Variants in AMOTL1 observed in about 807,000 individuals in gnomAD.
AMOTL1 encodes angiomotin-like protein 1.
In AMOTL1, 45 loss-of-function variants were observed where a neutral mutation model predicts 102.9. The ratio of observed to expected loss-of-function variants is 0.44; its 90% confidence interval spans 0.34 to 0.56. The LOEUF (loss-of-function observed/expected upper bound fraction) is 0.56. AMOTL1 is among the 20% of genes least tolerant of loss of function. The pLI is 0.01. For synonymous variants in AMOTL1, 481 were observed against 484.7 expected (o/e 0.99, Z 0.10); for missense variants, 1,114 against 1,225.6 (o/e 0.91, Z 1.36).
intron 3 of AMOTL1, among the ~76,000 whole-genome samples, chr11:94,809,494 A>C (rs754664200): frequency 8.5e-5 from 13 of 152,196 alleles, no homozygotes; most frequent in Non-Finnish European, 1.6e-4. Context: ...GTGGTGCTGG[A>C]TCATGCTGTG....
At chr11:94,734,735 G>C (rs1008676437) in intron 2 of AMOTL1, among the ~76,000 whole-genome samples, 8 of 152,286 alleles carry the variant, frequency 5.3e-5, no homozygotes, top group East Asian at 3.9e-4. Flanking sequence ...CTCCAGGAGA[G>C]AGAAGGCTAC....
Position 94,821,532 on chromosome 11 carries a change from G to T in AMOTL1, c.1124G>T (p.Arg375Leu), listed in dbSNP as rs773855698. 4 of 1,611,902 alleles carry T rather than the reference G, an allele frequency of 2.5e-6. No individual in the cohort carries two copies. The highest frequency in any genetic ancestry group is 2.2e-5 in the East Asian group (1 of 44,816). ...TGCTGCCTTCCATTGCCTTGCAGCCGCCCATGCCAACTTCCGTTCCCATCA... is the reference window on the plus strand; with the variant it reads ...TGCTGCCTTCCATTGCCTTGCAGCCTCCCATGCCAACTTCCGTTCCCATCA... ...QPPPEYGVTS[R>L]PCQLPFPSTM... is the part of the protein sequence containing the mutation. Residue 375 changes from arginine to leucine, a missense_variant and splice_region_variant, in exon 4 of 13, where the codon CGC (arginine) becomes CTC (leucine). Transcript: ENST00000433060.
At chr11:94,800,762 C>T (rs1017140483) in intron 3 of AMOTL1, among the ~76,000 whole-genome samples, 5 of 152,160 alleles carry the variant, frequency 3.3e-5, no homozygotes, top group African/African-American at 1.2e-4. Context: ...TAGTCCCATC[C>T]CTCACTCAAC....
In AMOTL1 at chr11:94,821,872, A is replaced by G; in HGVS notation, c.1413+51A>G. The G allele has an allele frequency of 1.9e-6, 3 of 1,589,878 alleles. 1 individual carries two copies. In the South Asian group the frequency reaches 3.5e-5, roughly 19 times the overall value. ...AGGGAGACAAATTCTTTACCTGGTC[A>G]TGGGGAGTTGATGCACTGACTGACT... On this transcript the variant is annotated intron_variant, in intron 4 of 12. Coordinates refer to ENST00000433060, the MANE Select transcript of AMOTL1 (RefSeq NM_130847.3).
chr11:94,765,139 A>G (rs1950840832), upstream of AMOTL1, among the ~76,000 whole-genome samples: 1 of 152,142 alleles, frequency 6.6e-6, no homozygotes, highest in Non-Finnish European at 1.5e-5. Context: ...AGAGCACTAA[A>G]ATTGGCCCAT....
chr11:94,766,796 C>T (rs1262351473), upstream of AMOTL1, among the ~76,000 whole-genome samples: 1 of 152,202 alleles, frequency 6.6e-6, no homozygotes, highest in Non-Finnish European at 1.5e-5. Context: ...ACAGCTATGC[C>T]TGAGCTTCTT....
chr11:94,840,679 T>TACACACACACAC (rs1347475318), intron 6 of AMOTL1, among the ~76,000 whole-genome samples: 1 of 129,362 alleles, frequency 7.7e-6, no homozygotes, highest in African/African-American at 3.1e-5. Context: ...TATATATATA[T>TACACACACACAC]ATACACACAC....
intron 9 of AMOTL1, among the ~76,000 whole-genome samples, chr11:94,862,673 G>A (rs1488343403): frequency 1.3e-5 from 2 of 152,046 alleles, no homozygotes; most frequent in African/African-American, 4.8e-5. Flanking sequence ...CTCTAATTGT[G>A]TTTGCTCTCC....
At chr11:94,721,843 T>C (rs1162340897) in intron 1 of AMOTL1, among the ~76,000 whole-genome samples, 1 of 152,172 alleles carries the variant, frequency 6.6e-6, no homozygotes, top group African/African-American at 2.4e-5. Context: ...CAGTGCTGGA[T>C]TGGTTGGCAA....
At chr11:94,797,131 C>A in intron 2 of AMOTL1, 1 of 530,466 alleles carries the variant, frequency 1.9e-6, no homozygotes, top group Non-Finnish European at 2.4e-6. Context: ...AAATGATGTG[C>A]CGTATGTACA....
intron 6 of AMOTL1, among the ~76,000 whole-genome samples, chr11:94,840,653 C>CGT (rs1592022005): frequency 3.4e-5 from 3 of 87,310 alleles, no homozygotes; most frequent in East Asian, 3.1e-4. Flanking sequence ...ACTTAAAAAA[C>CGT]GTATATATAT....
intron 1 of AMOTL1, among the ~76,000 whole-genome samples, chr11:94,709,240 C>G (rs1949981995): frequency 6.6e-6 from 1 of 152,158 alleles, no homozygotes; most frequent in African/African-American, 2.4e-5. Flanking sequence ...AGGCAACATT[C>G]TGGGACAACC....
intron 9 of AMOTL1, among the ~76,000 whole-genome samples, chr11:94,864,349 A>G (rs926381348): frequency 6.6e-6 from 1 of 152,184 alleles, no homozygotes; most frequent in African/African-American, 2.4e-5. Flanking sequence ...ATGTAGCTAC[A>G]TACATAATGT....
intron 1 of AMOTL1, among the ~76,000 whole-genome samples, chr11:94,723,289 G>C (rs1446624214): frequency 6.6e-6 from 1 of 152,062 alleles, no homozygotes; most frequent in Non-Finnish European, 1.5e-5. Flanking sequence ...AATATAAAAA[G>C]CTGTGAGAAG....
intron 2 of AMOTL1, among the ~76,000 whole-genome samples, chr11:94,795,696 C>T (rs1211683081): frequency 6.6e-6 from 1 of 152,174 alleles, no homozygotes; most frequent in African/African-American, 2.4e-5. Flanking sequence ...GCTTATAACT[C>T]ATCTCTCTCT....
chr11:94,760,699 T>G (rs1271786873), intron 3 of AMOTL1, among the ~76,000 whole-genome samples: 1 of 152,246 alleles, frequency 6.6e-6, no homozygotes, highest in Non-Finnish European at 1.5e-5. Context: ...CTGCTCCTTT[T>G]TTTCATTGCA....
chr11:94,777,851 T>C (rs1951047958), intron 1 of AMOTL1, among the ~76,000 whole-genome samples: 1 of 152,212 alleles, frequency 6.6e-6, no homozygotes, highest in South Asian at 2.1e-4. Flanking sequence ...ATAACTCTGC[T>C]TTGTACAAGT....
chr11:94,739,126 T>C (rs1320147029), intron 2 of AMOTL1, among the ~76,000 whole-genome samples: 2 of 152,100 alleles, frequency 1.3e-5, no homozygotes, highest in Admixed American at 6.5e-5. Flanking sequence ...AGGCAAGTAA[T>C]GCAGCCTGTT....
intron 3 of AMOTL1, among the ~76,000 whole-genome samples, chr11:94,748,593 T>G (rs1268068021): frequency 6.6e-6 from 1 of 152,244 alleles, no homozygotes; most frequent in Admixed American, 6.5e-5. Flanking sequence ...CAAGCCATAC[T>G]GAGTGATGAA....
Sources: allele counts gnomAD v4.1 joint callset (sites outside exome capture counted in the v4.1 genomes callset), GRCh38; gene constraint gnomAD v4.1.1; transcripts MANE v1.5; gene names NCBI Gene and HGNC (gene_info 2026-07-23, HGNC 2026-07-21).